OR2C1: variants seen among roughly 807,000 people sequenced by gnomAD.
OR2C1 encodes olfactory receptor family 2 subfamily C member 1, also known as olfactory receptor 2C1.
For missense variants in OR2C1, 468 were observed against 388.3 expected, an observed-to-expected ratio of 1.21 and a Z score of -1.73; for synonymous variants, 209 against 167.3, an observed-to-expected ratio of 1.25 and a Z score of -1.92.
chr16:3,326,765 G>C, the OR2C1 span, among the ~76,000 whole-genome samples: 2 of 152,208 alleles, frequency 1.3e-5, no homozygotes, highest in African/African-American at 2.4e-5. Context: ...AACAAATCCA[G>C]CTCTTGCTGG....
the OR2C1 span, among the ~76,000 whole-genome samples, chr16:3,335,520 CTTTTTTTT>C: frequency 0.022 from 1,209 of 55,604 alleles, 18 homozygotes; most frequent in African/African-American, 0.084. Context: ...AATGCTACTG[CTTTTTTTT>C]TTTTTTTTTT....
At chr16:3,347,807 C>T in the OR2C1 span, among the ~76,000 whole-genome samples, 12 of 147,138 alleles carry the variant, frequency 8.2e-5, no homozygotes, top group Admixed American at 7.7e-4. Context: ...CACACACGCA[C>T]GTGCACACAC....
At chr16:3,343,252 G>A in the OR2C1 span, among the ~76,000 whole-genome samples, 1 of 151,964 alleles carries the variant, frequency 6.6e-6, no homozygotes, top group African/African-American at 2.4e-5. Context: ...GTACAACAAA[G>A]GAAATCTTCA....
At position 3,356,719 on chromosome 16, in the gene OR2C1, T is replaced by G; in HGVS notation, c.779T>G (p.Leu260Arg). Residue 260 changes from leucine to arginine, a missense_variant, in exon 1 of 1, where the codon CTG (leucine) becomes CGG (arginine). By Grantham distance (102) the Leu-to-Arg change is moderately radical (BLOSUM62 -2). Transcript: ENST00000304936. ...LFYGSASYGY[L>R]LPAKNSKQDQ... ...TATGGCTCAGCCAGCTATGGGTATC[T>G]GCTTCCGGCCAAGAACAGCAAACAG... 6.2e-7 allele frequency: 1 copy of G among 1,614,188 alleles called. No homozygotes were observed. The highest frequency in any genetic ancestry group is 8.5e-7 in the Non-Finnish European group (1 of 1,180,028).
chr16:3,334,771 T>C, the OR2C1 span, among the ~76,000 whole-genome samples: 1 of 151,994 alleles, frequency 6.6e-6, no homozygotes, highest in Non-Finnish European at 1.5e-5. Flanking sequence ...TTGGTTATTA[T>C]AGCTTTGTAG....
the OR2C1 span, among the ~76,000 whole-genome samples, chr16:3,349,838 G>A: frequency 2.7e-4 from 41 of 151,722 alleles, no homozygotes; most frequent in South Asian, 1.0e-3. Context: ...GGAGGCGGAG[G>A]TTGCAGTGAG....
chr16:3,347,953 C>G, the OR2C1 span, among the ~76,000 whole-genome samples: 1 of 152,074 alleles, frequency 6.6e-6, no homozygotes, highest in Non-Finnish European at 1.5e-5. Context: ...ATATTCATCC[C>G]TAATTAAATG....
upstream of OR2C1, among the ~76,000 whole-genome samples, chr16:3,353,532 A>G (rs142846973): frequency 0.021 from 3,142 of 148,116 alleles, 110 homozygotes; most frequent in African/African-American, 0.065. Flanking sequence ...CGGGAATGGT[A>G]GCTCATGCTT....
the OR2C1 span, among the ~76,000 whole-genome samples, chr16:3,342,956 T>A: frequency 6.6e-6 from 1 of 152,130 alleles, no homozygotes; most frequent in African/African-American, 2.4e-5. Flanking sequence ...TTATGCTGAG[T>A]GATAATAGCC....
the OR2C1 span, among the ~76,000 whole-genome samples, chr16:3,328,248 G>A: frequency 1.4e-3 from 218 of 152,236 alleles, no homozygotes; most frequent in African/African-American, 4.9e-3. Context: ...TTATCAGTGT[G>A]GTCTTATAAA....
chr16:3,348,796 C>G, the OR2C1 span, among the ~76,000 whole-genome samples: 1 of 152,158 alleles, frequency 6.6e-6, no homozygotes, highest in Non-Finnish European at 1.5e-5. Flanking sequence ...GCACCTGTTA[C>G]GTGTTTATTG....
At chr16:3,327,475 C>CA in the OR2C1 span, among the ~76,000 whole-genome samples, 2 of 151,810 alleles carry the variant, frequency 1.3e-5, no homozygotes, top group Non-Finnish European at 2.9e-5. Flanking sequence ...AGAGGGTGAC[C>CA]AAAAAACTTT....
chr16:3,331,464 T>C, the OR2C1 span, among the ~76,000 whole-genome samples: 1 of 151,366 alleles, frequency 6.6e-6, no homozygotes, highest in Non-Finnish European at 1.5e-5. Context: ...TCCTTGCCCA[T>C]GCCTATGTCC....
the OR2C1 span, among the ~76,000 whole-genome samples, chr16:3,328,352 T>C: frequency 6.6e-6 from 1 of 152,218 alleles, no homozygotes; most frequent in Non-Finnish European, 1.5e-5. Flanking sequence ...AATCAACACT[T>C]AAATTAACCT....
the OR2C1 span, among the ~76,000 whole-genome samples, chr16:3,344,036 T>C: frequency 6.6e-6 from 1 of 152,010 alleles, no homozygotes; most frequent in African/African-American, 2.4e-5. Flanking sequence ...CAGGCCAACA[T>C]GGCAAAACCC....
chr16:3,332,795 C>T, the OR2C1 span, among the ~76,000 whole-genome samples: 4 of 151,658 alleles, frequency 2.6e-5, no homozygotes, highest in African/African-American at 4.9e-5. Flanking sequence ...ACGCTTAGGT[C>T]GGTTTCACAT....
chr16:3,355,221 GA>G (rs2030641385), upstream of OR2C1, among the ~76,000 whole-genome samples: 1 of 151,758 alleles, frequency 6.6e-6, no homozygotes, highest in Non-Finnish European at 1.5e-5. Flanking sequence ...CCAGCTTTTT[GA>G]GAGGCTGAGG....
chr16:3,323,281 G>C, the OR2C1 span: 2 of 865,788 alleles, frequency 2.3e-6, no homozygotes, highest in Admixed American at 1.7e-5. Context: ...TTGGTAGCAT[G>C]ATGGACCACT....
At chr16:3,357,717 C>T (rs187291397), downstream of OR2C1, among the ~76,000 whole-genome samples, 1 of 152,096 alleles carries the variant, frequency 6.6e-6, no homozygotes, top group Middle Eastern at 3.2e-3. Context: ...TGCAGTGGCT[C>T]ACACCTGTAA....
Sources: gnomAD v4.1 joint callset for allele counts (sites outside exome capture counted in the v4.1 genomes callset) on GRCh38, gnomAD v4.1.1 for gene constraint, MANE v1.5 for transcripts, NCBI Gene and HGNC (gene_info 2026-07-23, HGNC 2026-07-21) for gene names.